RABL2A: variants seen among roughly 807,000 people sequenced by gnomAD.
RABL2A encodes the protein rab-like protein 2A.
In RABL2A, 17 loss-of-function variants were observed where a neutral mutation model predicts 30.7. The ratio of observed to expected loss-of-function variants is 0.55; its 90% CI spans 0.38 to 0.83. The LOEUF is 0.83. Among genes scored for constraint, RABL2A ranks in the 40% least tolerant of loss-of-function variants. RABL2A has a pLI of 0.00. For synonymous variants in RABL2A, 64 were observed against 101.8 expected (o/e 0.63, Z 2.24); for missense variants, 155 against 272.6 (o/e 0.57, Z 3.04).
At chr2:113,629,080 T>A (rs1373630058) in intron 2 of RABL2A, among the ~76,000 whole-genome samples, 10 of 149,710 alleles carry the variant, frequency 6.7e-5, no homozygotes, top group South Asian at 2.2e-4. Flanking sequence ...AAAGATGCTT[T>A]CTTGGAGGGA....
intron 6 of RABL2A, 71 bp from the exon 7 acceptor site, chr2:113,641,282 C>T: frequency 6.2e-7 from 1 of 1,605,260 alleles, no homozygotes. Context: ...GGAATGAAGG[C>T]CTCCAGTGGC....
chr2:113,632,862 G>A, intron 2 of RABL2A, 53 bp from the exon 3 acceptor site: 1 of 1,614,126 alleles, frequency 6.2e-7, no homozygotes, highest in Non-Finnish European at 8.5e-7. Context: ...AAAAGTCTGG[G>A]ACAAGGGAGA....
At chr2:113,641,712 G>T (rs554706089) in intron 7 of RABL2A, 69 bp from the exon 8 acceptor site, 1 of 592,064 alleles carries the variant, frequency 1.7e-6, no homozygotes, top group African/African-American at 2.4e-5. Flanking sequence ...TAGTCTCACA[G>T]TGGGGCCAGT....
chr2:113,641,390 CAAG>C lies in RABL2A; in HGVS notation c.451_453del (p.Lys151del). ...TGACCCAAAAAAGCTTCAATTTTGC[CAAG>C]AAGTTCTCCCTGCCCCTGTATTTCG... On this transcript the variant is annotated inframe_deletion, in exon 7 of 9. Transcript: ENST00000683472. 1 of 1,612,618 alleles carries C rather than the reference CAAG, an allele frequency of 6.2e-7. No individual in the cohort carries two copies. Among genetic ancestry groups the C allele is most frequent in the Non-Finnish European group, 8.5e-7 (1 of 1,179,524 alleles).
chr2:113,636,234 A>G (rs1682667367), intron 5 of RABL2A, among the ~76,000 whole-genome samples: 1 of 152,216 alleles, frequency 6.6e-6, no homozygotes. Flanking sequence ...ACTTCTTGGA[A>G]TAGCATTCAA....
intron 1 of RABL2A, 71 bp downstream of exon 1, chr2:113,627,471 G>A (rs1048510128): frequency 6.6e-6 from 1 of 151,818 alleles, no homozygotes; most frequent in Non-Finnish European, 1.5e-5. Context: ...CCCTAGCGGT[G>A]TGGGCGAGAG....
chr2:113,637,007 A>T (rs868798072), intron 5 of RABL2A, among the ~76,000 whole-genome samples: 5 of 139,822 alleles, frequency 3.6e-5, no homozygotes, highest in African/African-American at 1.5e-4. Context: ...TAAAAAAATA[A>T]AAAAATAAAG....
chr2:113,633,603 G>C (rs1176598317), intron 3 of RABL2A: 3 of 187,192 alleles, frequency 1.6e-5, no homozygotes, highest in African/African-American at 2.4e-5. Flanking sequence ...CAGCCCACCT[G>C]CGTCATTTGG....
chr2:113,637,983 A>T, intron 5 of RABL2A: 1 of 985,356 alleles, frequency 1.0e-6, no homozygotes, highest in Non-Finnish European at 1.2e-6. Flanking sequence ...CGGGGAGCTG[A>T]GGGTCAGAGA....
At position 113,635,022 on chromosome 2, in the gene RABL2A, A is replaced by G. The variant is rs369408122; in HGVS notation, c.218-29A>G. 4.3e-6 allele frequency: 7 copies of G among 1,614,194 alleles called. No individual in the cohort carries two copies. In the South Asian group the frequency reaches 6.6e-5, roughly 15 times the overall value. On this transcript the variant is annotated intron_variant, in intron 4 of 8. Transcript: ENST00000683472. ...TGACTTGCACAGAAATGCACCAGGC[A>G]TGTAGGTCTGTCTGTGTTCACATTG...
At position 113,629,441 on chromosome 2, in the gene RABL2A, T is replaced by C. The variant is rs563415804; in HGVS notation, c.107+728T>C. ...GTGAATAATTCTCTGGGGGCTTTGC[T>C]GGTTTTTAGGCCATCTCCATGAATT... On this transcript the variant is annotated intron_variant, in intron 2 of 8. Transcript: ENST00000683472. 2.0e-5 allele frequency among the ~76,000 whole-genome samples: 3 copies of C among 152,318 alleles called. No homozygotes were observed. In the East Asian group the frequency reaches 5.8e-4, roughly 29 times the overall value.
In RABL2A at chr2:113,627,536, G is replaced by A. The variant is rs1678531239; in HGVS notation, c.-54+136G>A. 7 of 157,482 alleles carry A rather than the reference G, an allele frequency of 4.4e-5. 1 individual carries two copies. The Admixed American group carries it at 4.5e-4, about 10-fold the overall frequency. 9.8% of individuals were successfully genotyped at this position (157,482 alleles called of 1,614,324 possible). A position where few individuals can be genotyped will look rare whatever the true frequency, so the allele number is the denominator to read the frequency against. On this transcript the variant is annotated intron_variant, in intron 1 of 8. Coordinates refer to ENST00000683472, the MANE Select transcript of RABL2A (RefSeq NM_001306158.2). ...GTGGCTTCGCGAGGCTGTTGTGGGG[G>A]GCGGGACGGGCAGCCTGGCGATGCC...
intron 5 of RABL2A, chr2:113,639,871 C>T (rs867720856): frequency 7.2e-6 from 1 of 137,958 alleles, no homozygotes; most frequent in Non-Finnish European, 1.6e-5. Context: ...AAAAAAAAAT[C>T]GGGCAGTTGT....
In RABL2A at chr2:113,643,165, T is replaced by G. The variant is rs757860854; in HGVS notation, c.*1036T>G. 2 of 455,416 alleles carry G rather than the reference T, an allele frequency of 4.4e-6. No homozygotes were observed. Among genetic ancestry groups the G allele is most frequent in the South Asian group, 3.1e-5 (2 of 64,374 alleles). The allele number at this position is 455,416 out of a possible 1,614,324, so 28.2% of individuals were successfully genotyped here. On this transcript the variant is annotated 3_prime_UTR_variant, in exon 9 of 9. Coordinates refer to ENST00000683472, the MANE Select transcript of RABL2A (RefSeq NM_001306158.2). ...TTCCTTTAAAGTTCCTATTTCAGCA[T>G]AAAGAGGCTGTCCTTTTTTTTTAGG...
intron 5 of RABL2A, chr2:113,639,999 A>T (rs61357372): frequency 0.043 from 5,341 of 124,936 alleles, 9 homozygotes; most frequent in African/African-American, 0.12. Context: ...ACAAAAAAAA[A>T]AATAATAAAA....
At chr2:113,630,076 A>G (rs1189278659) in intron 2 of RABL2A, among the ~76,000 whole-genome samples, 1 of 152,210 alleles carries the variant, frequency 6.6e-6, no homozygotes, top group Non-Finnish European at 1.5e-5. Context: ...CCCAAGTTCA[A>G]TGCTAGTCTC....
intron 5 of RABL2A, chr2:113,637,315 A>T: frequency 2.0e-6 from 2 of 991,330 alleles, no homozygotes; most frequent in Non-Finnish European, 2.4e-6. Flanking sequence ...CTTCAATGCC[A>T]CCACCTCCGT....
intron 2 of RABL2A, among the ~76,000 whole-genome samples, chr2:113,632,357 A>G (rs1162571490): frequency 2.0e-5 from 3 of 152,228 alleles, no homozygotes; most frequent in Non-Finnish European, 2.9e-5. Context: ...AACTGACCAC[A>G]TTCAGAATAG....
chr2:113,629,300 A>C (rs1165923125), intron 2 of RABL2A, among the ~76,000 whole-genome samples: 1 of 152,214 alleles, frequency 6.6e-6, no homozygotes, highest in Non-Finnish European at 1.5e-5. Context: ...CCTTCATAGC[A>C]TGACGGTACA....
Sources: gnomAD v4.1 joint callset for allele counts (sites outside exome capture counted in the v4.1 genomes callset) on GRCh38, gnomAD v4.1.1 for gene constraint, MANE v1.5 for transcripts, NCBI Gene and HGNC (gene_info 2026-07-23, HGNC 2026-07-21) for gene names.